RABEP2: variants seen among roughly 807,000 people sequenced by gnomAD.
RABEP2 encodes rabaptin, RAB GTPase binding effector protein 2.
Under a neutral mutation model 74.1 loss-of-function variants are expected in RABEP2, and 57 were observed. The observed-to-expected ratio is 0.77, with a 90% CI of 0.62 to 0.96. RABEP2 has a LOEUF of 0.96. Ranked by LOEUF, RABEP2 falls within the 40% of genes least tolerant of loss-of-function variation. The probability of loss-of-function intolerance (pLI) is 0.00; values close to 1 mark genes in which losing one functional copy is unlikely to be tolerated. For synonymous variants in RABEP2, 351 were observed against 344.0 expected (o/e 1.02, Z -0.23); for missense variants, 692 against 756.3 (o/e 0.91, Z 1.00).
At chr16:28,913,601 C>T (rs1019429584) in intron 5 of RABEP2, among the ~76,000 whole-genome samples, 13 of 151,994 alleles carry the variant, frequency 8.6e-5, no homozygotes, top group Non-Finnish European at 1.5e-4. Flanking sequence ...CCTCCCTCAG[C>T]CTCCTGAGTA....
intron 3 of RABEP2, among the ~76,000 whole-genome samples, chr16:28,918,164 C>A (rs1964421084): frequency 6.7e-6 from 1 of 149,440 alleles, no homozygotes; most frequent in South Asian, 2.1e-4. Context: ...ACTGCAAGCT[C>A]CGCTTCCCGG....
rs1217280570 is a variant in RABEP2, at chr16:28,914,453, T to C, written c.677A>G (p.His226Arg). Reference protein sequence around the residue: ...DGGPAAEAFAHNCDDSASISS... With the variant: ...DGGPAAEAFARNCDDSASISS... The stretch of plus-strand genomic sequence containing the variant: ...GATGGAGGCGCTGTCATCGCAGTTG[T>C]GAGCGAAGGCCTCAGCGGCTGGACC... The change falls in exon 5 of 13, where the codon CAC becomes CGC. Residue 226 changes from histidine to arginine, a missense_variant. Coordinates refer to ENST00000358201, the MANE Select transcript of RABEP2 (RefSeq NM_024816.3). The C allele has an allele frequency of 7.4e-6, 12 of 1,613,386 alleles. No homozygotes were observed. Among genetic ancestry groups the C allele is most frequent in the Non-Finnish European group, 1.0e-5 (12 of 1,179,924 alleles).
At chr16:28,908,833 C>A in intron 7 of RABEP2, 69 bp from the exon 8 acceptor site, 1 of 1,482,880 alleles carries the variant, frequency 6.7e-7, no homozygotes, top group Non-Finnish European at 9.2e-7. Context: ...GAGGCCAAAC[C>A]TCCTTGAACC....
chr16:28,924,718 T>TCCTTCACCTGGGCCCG, intron 1 of RABEP2, 103 bp from the exon 2 acceptor site: 1 of 1,100,172 alleles, frequency 9.1e-7, no homozygotes, highest in South Asian at 1.3e-5. Context: ...ATCTGGGGCC[T>TCCTTCACCTGGGCCCG]CCTTCACCTG....
chr16:28,906,266 ACGGGGATTGT>A, intron 8 of RABEP2, 70 bp from the exon 9 acceptor site: 1 of 1,470,302 alleles, frequency 6.8e-7, no homozygotes. Flanking sequence ...CACCAGCCAG[ACGGGGATTGT>A]CGGGAGGAAC....
intron 5 of RABEP2, among the ~76,000 whole-genome samples, chr16:28,913,066 G>C (rs1347329202): frequency 6.6e-6 from 1 of 151,962 alleles, no homozygotes; most frequent in African/African-American, 2.4e-5. Flanking sequence ...GGGTTCAAGC[G>C]ATTCTCCTGC....
At chr16:28,919,208 T>C (rs1469385180) in intron 3 of RABEP2, among the ~76,000 whole-genome samples, 1 of 152,148 alleles carries the variant, frequency 6.6e-6, no homozygotes, top group Non-Finnish European at 1.5e-5. Context: ...CAGGTTGGAG[T>C]GCAGTGGCAC....
chr16:28,914,064 C>T (rs552982733), intron 5 of RABEP2, among the ~76,000 whole-genome samples, 172 bp downstream of exon 5: 74 of 152,062 alleles, frequency 4.9e-4, no homozygotes, highest in East Asian at 2.5e-3. Context: ...TGTGAGCCAC[C>T]GCACCTGGCC....
At chr16:28,924,715 G>A in intron 1 of RABEP2, 100 bp from the exon 2 acceptor site, 2 of 1,139,588 alleles carry the variant, frequency 1.8e-6, no homozygotes, top group South Asian at 2.6e-5. Flanking sequence ...TTCATCTGGG[G>A]CCTCCTTCAC....
chr16:28,915,367 C>T (rs184930334), intron 3 of RABEP2, among the ~76,000 whole-genome samples: 253 of 151,044 alleles, frequency 1.7e-3, no homozygotes, highest in Non-Finnish European at 3.8e-4. Context: ...GTTGGGATTA[C>T]ACCAATGGCC....
At position 28,925,169 on chromosome 16, in the gene RABEP2, C is replaced by G; in HGVS notation, c.-6G>C. On this transcript the variant is annotated 5_prime_UTR_variant, in exon 1 of 13. Transcript: ENST00000358201. ...ACCGGCGCAGCTGCCGCCATTGCCT[C>G]AGCGCAAACGGCGGATTCCCGCACT... 8 of 1,529,106 alleles carry G rather than the reference C, an allele frequency of 5.2e-6. No homozygotes were observed. Among genetic ancestry groups the G allele is most frequent in the Non-Finnish European group, 7.0e-6 (8 of 1,144,006 alleles). 94.7% of individuals were successfully genotyped at this position (1,529,106 alleles called of 1,614,324 possible).
intron 3 of RABEP2, among the ~76,000 whole-genome samples, chr16:28,918,812 C>A (rs1964429605): frequency 6.6e-6 from 1 of 152,024 alleles, no homozygotes; most frequent in Non-Finnish European, 1.5e-5. Flanking sequence ...CCACCATGCC[C>A]AGTTAATTTA....
In RABEP2 at chr16:28,911,106, C is replaced by T. The variant is rs758026936; in HGVS notation, c.968G>A (p.Ser323Asn). The T allele has an allele frequency of 1.3e-5, 21 of 1,613,302 alleles. No individual in the cohort carries two copies. Among genetic ancestry groups the T allele is most frequent in the Non-Finnish European group, 1.6e-5 (19 of 1,180,008 alleles). The change falls in exon 6 of 13, where the codon AGC becomes AAC. Residue 323 changes from serine to asparagine, a missense_variant. Physicochemically the swap from Ser to Asn is conservative, Grantham distance 46 (BLOSUM62 1). Transcript: ENST00000358201. ...RDELQEGLRR[S>N]NEDCAKQMQV... ...CACCTGCTTGGCACAGTCCTCATTG[C>T]TCCGTCTCAGGCCCTCTTGGAGCTC...
At chr16:28,922,236 G>A (rs1280250863) in intron 2 of RABEP2, among the ~76,000 whole-genome samples, 1 of 152,112 alleles carries the variant, frequency 6.6e-6, no homozygotes, top group Non-Finnish European at 1.5e-5. Context: ...GGTAGAACGT[G>A]GTCATTTTTT....
rs768691554 is a variant in RABEP2, at chr16:28,908,708, C to G, written c.1146G>C (p.Glu382Asp). 7 of 1,614,240 alleles carry G rather than the reference C, an allele frequency of 4.3e-6. No individual in the cohort carries two copies. In the South Asian group the frequency reaches 7.7e-5, roughly 18 times the overall value. Reference protein sequence around the residue: ...CLHHEVKRLNEENQGLRAEQL... With the variant: ...CLHHEVKRLNDENQGLRAEQL... The stretch of plus-strand genomic sequence containing the variant: ...GCTCGGCCCGGAGCCCTTGGTTTTC[C>G]TCATTCAACCGCTTTACCTCATGGT... The change falls in exon 8 of 13, where the codon GAG becomes GAC. Residue 382 changes from glutamate (E) to aspartate (D), a missense_variant. Glu to Asp is a conservative substitution (Grantham distance 45). Coordinates refer to ENST00000358201, the MANE Select transcript of RABEP2 (RefSeq NM_024816.3).
intron 11 of RABEP2, 65 bp downstream of exon 11, chr16:28,905,639 G>A: frequency 1.3e-6 from 2 of 1,570,874 alleles, no homozygotes; most frequent in Non-Finnish European, 1.7e-6. Flanking sequence ...GGGCGGGAGG[G>A]GTGGGGGAGG....
Position 28,904,768 on chromosome 16 carries a change from C to T in RABEP2, c.*175G>A. On this transcript the variant is annotated 3_prime_UTR_variant, in exon 13 of 13. Transcript: ENST00000358201. ...GTGTGATCCCTGAGAACAGGAGGCC[C>T]AGCCACCCTGGGAGGAGGCGCTGGA... is the stretch of plus-strand genomic sequence containing the variant. 1 of 661,896 alleles carries T rather than the reference C, an allele frequency of 1.5e-6. No individual in the cohort carries two copies. The highest frequency in any genetic ancestry group is 1.9e-5 in the South Asian group (1 of 51,598). The allele number at this position is 661,896 out of a possible 1,614,324, so 41.0% of individuals were successfully genotyped here. A position where few individuals can be genotyped will look rare whatever the true frequency, so the allele number is the denominator to read the frequency against.
intron 3 of RABEP2, among the ~76,000 whole-genome samples, chr16:28,916,764 T>C (rs773688394): frequency 6.6e-6 from 1 of 150,722 alleles, no homozygotes; most frequent in Non-Finnish European, 1.5e-5. Flanking sequence ...GGTGGGCCGA[T>C]CACAAGGTCA....
At chr16:28,924,899 C>G (rs1168207982) in intron 1 of RABEP2, 4 of 792,586 alleles carry the variant, frequency 5.0e-6, no homozygotes, top group Non-Finnish European at 8.5e-6. Flanking sequence ...CCGGGCCCCA[C>G]TTCGCACCTG....
Sources: gnomAD v4.1 joint callset for allele counts (sites outside exome capture counted in the v4.1 genomes callset) on GRCh38, gnomAD v4.1.1 for gene constraint, MANE v1.5 for transcripts, NCBI Gene and HGNC (gene_info 2026-07-23, HGNC 2026-07-21) for gene names.